CLEC12A: variants seen among roughly 807,000 people sequenced by gnomAD.
CLEC12A encodes the protein C-type lectin domain family 12 member A.
CLEC12A carries 22 observed loss-of-function variants against 26.5 expected under a neutral mutation model. The ratio of observed to expected loss-of-function variants is 0.83; its 90% CI spans 0.59 to 1.19. CLEC12A has a LOEUF of 1.19. CLEC12A is among the 50% of genes most tolerant of loss of function. CLEC12A has a pLI of 0.00. For missense variants in CLEC12A, 353 were observed against 315.6 expected, an observed-to-expected ratio of 1.12 and a Z score of -0.90; for synonymous variants, 119 against 101.9, an observed-to-expected ratio of 1.17 and a Z score of -1.01.
At chr12:9,987,480 G>T (rs999440466), downstream of CLEC12A, among the ~76,000 whole-genome samples, 11 of 152,170 alleles carry the variant, frequency 7.2e-5, no homozygotes, top group African/African-American at 2.4e-4. Flanking sequence ...TGGAGGATTT[G>T]TCCTGACTAG....
At chr12:10,001,887 T>C in the CLEC12A span, among the ~76,000 whole-genome samples, 1 of 151,024 alleles carries the variant, frequency 6.6e-6, no homozygotes, top group Non-Finnish European at 1.5e-5. Context: ...AAATCTTTTT[T>C]TTTTTTTTTT....
At position 9,980,664 on chromosome 12, in the gene CLEC12A, G is replaced by A; in HGVS notation, c.462G>A (p.Trp154Ter). ...CYFLSDDVQT[W>*]QESKMACAAQ... ...TCCTAAGTGATGATGTCCAAACATG[G>A]CAGGAGAGTAAAATGGCCTGTGCTG... Residue 154 changes from tryptophan to a stop codon, truncating the protein, a stop_gained, in exon 4 of 6, where the codon TGG becomes TGA. Coordinates refer to ENST00000304361, the MANE Select transcript of CLEC12A (RefSeq NM_138337.6). LOFTEE classifies it high-confidence loss of function. The A allele has an allele frequency of 1.2e-6, 2 of 1,613,924 alleles. No homozygotes were observed. The highest frequency in any genetic ancestry group is 3.3e-5 in the Admixed American group (2 of 59,962).
chr12:9,978,643 C>A (rs1214706412), intron 1 of CLEC12A, among the ~76,000 whole-genome samples: 2 of 152,120 alleles, frequency 1.3e-5, no homozygotes, highest in Admixed American at 1.3e-4. Flanking sequence ...AAACAAAATA[C>A]ACTATATCTA....
At chr12:9,964,171 C>T (rs138578496) in intron 1 of CLEC12A, among the ~76,000 whole-genome samples, 5,783 of 152,096 alleles carry the variant, frequency 0.038, 150 homozygotes, top group Middle Eastern at 0.054. Context: ...TGGAGGAGGG[C>T]GGCAGCTTGC....
At chr12:9,989,563 AGAAGCTACAGAAGAAATGTTG>A (rs1864848699), downstream of CLEC12A, among the ~76,000 whole-genome samples, 1 of 152,174 alleles carries the variant, frequency 6.6e-6, no homozygotes, top group Non-Finnish European at 1.5e-5. Context: ...AGAGAGGTGA[AGAAGCTACAGAAGAAATGTTG>A]GAAGCTAGCA....
At chr12:9,967,901 G>A (rs1183763569), upstream of CLEC12A, among the ~76,000 whole-genome samples, 4 of 152,142 alleles carry the variant, frequency 2.6e-5, no homozygotes, top group Admixed American at 2.6e-4. Context: ...AATCAGGCAG[G>A]CATCCCTGCC....
intron 1 of CLEC12A, among the ~76,000 whole-genome samples, chr12:9,972,134 A>C (rs989869290): frequency 1.3e-5 from 2 of 152,020 alleles, no homozygotes; most frequent in Admixed American, 6.6e-5. Flanking sequence ...CTATCTACCA[A>C]ACTAAGCATA....
the CLEC12A span, among the ~76,000 whole-genome samples, chr12:10,002,640 C>T: frequency 6.6e-6 from 1 of 151,886 alleles, no homozygotes; most frequent in East Asian, 1.9e-4. Flanking sequence ...GACGGGGTTT[C>T]ACCGTGTTAG....
intron 1 of CLEC12A, among the ~76,000 whole-genome samples, chr12:9,958,944 G>A (rs1863785684): frequency 6.6e-6 from 1 of 152,192 alleles, no homozygotes; most frequent in East Asian, 1.9e-4. Flanking sequence ...CATGTTTTTA[G>A]ATGAATGCAC....
intron 1 of CLEC12A, among the ~76,000 whole-genome samples, chr12:9,964,713 C>G (rs142836650): frequency 2.0e-5 from 3 of 152,018 alleles, no homozygotes; most frequent in Non-Finnish European, 4.4e-5. Flanking sequence ...TAGATTTCCA[C>G]GATGGAAAGG....
chr12:10,003,210 T>G, the CLEC12A span, among the ~76,000 whole-genome samples: 1 of 152,232 alleles, frequency 6.6e-6, no homozygotes, highest in African/African-American at 2.4e-5. Flanking sequence ...AATGGTAGGA[T>G]TTCCTGTCAT....
the CLEC12A span, among the ~76,000 whole-genome samples, chr12:10,001,763 C>T: frequency 6.6e-6 from 1 of 152,178 alleles, no homozygotes; most frequent in Non-Finnish European, 1.5e-5. Flanking sequence ...CTTTTAATCA[C>T]CCTCCAAGTC....
chr12:9,988,918 G>A (rs1294319516), downstream of CLEC12A, among the ~76,000 whole-genome samples: 1 of 152,162 alleles, frequency 6.6e-6, no homozygotes, highest in Admixed American at 6.5e-5. Context: ...GCACATGTAT[G>A]TTTATTGCAG....
At chr12:10,002,444 T>TG in the CLEC12A span, among the ~76,000 whole-genome samples, 1 of 36,428 alleles carries the variant, frequency 2.7e-5, no homozygotes. Flanking sequence ...GGTAATGTTT[T>TG]TTTTTTTTTT....
chr12:9,986,782 G>T (rs1864777731), downstream of CLEC12A, among the ~76,000 whole-genome samples: 1 of 152,158 alleles, frequency 6.6e-6, no homozygotes, highest in South Asian at 2.1e-4. Flanking sequence ...CTGCACTCCA[G>T]CCTGGGTGAC....
At chr12:9,998,644 TTTTTGTTTTGTTTTG>T (rs71049030), downstream of CLEC12A, among the ~76,000 whole-genome samples, 1 of 145,616 alleles carries the variant, frequency 6.9e-6, no homozygotes, top group African/African-American at 2.6e-5. Context: ...GTGTTTGTAT[TTTTTGTTTTGTTTTG>T]TTTTGTTTTG....
exon 5 of CLEC12A, chr12:9,995,208 G>T: frequency 4.3e-6 from 7 of 1,612,926 alleles, no homozygotes; most frequent in South Asian, 1.1e-5. Flanking sequence ...GAGATAATCC[G>T]ACCCAACGAA....
exon 5 of CLEC12A, chr12:9,995,193 C>T: frequency 4.3e-6 from 7 of 1,613,184 alleles, no homozygotes; most frequent in Non-Finnish European, 5.9e-6. Context: ...CATTCGACTT[C>T]TGGCGAGATA....
intron 1 of CLEC12A, among the ~76,000 whole-genome samples, chr12:9,962,771 A>G (rs1270341907): frequency 6.6e-6 from 1 of 152,172 alleles, no homozygotes; most frequent in Non-Finnish European, 1.5e-5. Flanking sequence ...TTAAGGCAGG[A>G]ACCGGCCATC....
Sources: gnomAD v4.1 joint callset for allele counts (sites outside exome capture counted in the v4.1 genomes callset) on GRCh38, gnomAD v4.1.1 for gene constraint, MANE v1.5 for transcripts, NCBI Gene and HGNC (gene_info 2026-07-23, HGNC 2026-07-21) for gene names.